Variants in ARHGAP26 observed in about 807,000 individuals in gnomAD.
ARHGAP26 encodes the protein Rho GTPase activating protein 26, also known as rho GTPase-activating protein 26.
A neutral mutation model predicts 104.8 loss-of-function variants in ARHGAP26; 38 were observed. The observed-to-expected ratio is 0.36, with a 90% CI of 0.28 to 0.48. The LOEUF (loss-of-function observed/expected upper bound fraction) is 0.48, where lower values mean the gene tolerates loss of function less well. Ranked by LOEUF, ARHGAP26 falls within the 20% of genes least tolerant of loss-of-function variation. ARHGAP26 has a pLI of 0.99. For synonymous variants in ARHGAP26, 341 were observed against 340.0 expected, an observed-to-expected ratio of 1.00 and a Z score of -0.03; for missense variants, 704 against 947.9, an observed-to-expected ratio of 0.74 and a Z score of 3.38.
chr5:142,985,758 T>C (rs1774619763), intron 11 of ARHGAP26, among the ~76,000 whole-genome samples: 2 of 150,988 alleles, frequency 1.3e-5, no homozygotes, highest in Admixed American at 6.6e-5. Flanking sequence ...CATGCAGTGT[T>C]TGGTTTTCTG....
intron 9 of ARHGAP26, among the ~76,000 whole-genome samples, chr5:142,912,317 A>G (rs1761938708): frequency 6.6e-6 from 1 of 152,274 alleles, no homozygotes; most frequent in African/African-American, 2.4e-5. Context: ...AAAAGAGCAC[A>G]TACTGTGTAG....
chr5:142,824,486 A>G (rs1478701633), intron 1 of ARHGAP26, among the ~76,000 whole-genome samples: 1 of 152,224 alleles, frequency 6.6e-6, no homozygotes, highest in Non-Finnish European at 1.5e-5. Flanking sequence ...CAGCAGCTGT[A>G]TAAGCTCCAG....
At chr5:142,810,274 G>A (rs776040907) in intron 1 of ARHGAP26, among the ~76,000 whole-genome samples, 2 of 152,184 alleles carry the variant, frequency 1.3e-5, no homozygotes, top group African/African-American at 2.4e-5. Context: ...AGAGACCTCA[G>A]TACAATTCTT....
intron 1 of ARHGAP26, among the ~76,000 whole-genome samples, chr5:142,866,339 T>C (rs1204239144): frequency 6.6e-6 from 1 of 152,220 alleles, no homozygotes; most frequent in Non-Finnish European, 1.5e-5. Flanking sequence ...TTTCTTACAT[T>C]ACCACTCATT....
chr5:142,995,854 C>T (rs978913379), intron 11 of ARHGAP26, among the ~76,000 whole-genome samples: 7 of 152,156 alleles, frequency 4.6e-5, no homozygotes, highest in African/African-American at 1.4e-4. Context: ...GCATTCATGT[C>T]CTTTGTAGGG....
intron 20 of ARHGAP26, among the ~76,000 whole-genome samples, chr5:143,153,339 C>G (rs1800068355): frequency 6.6e-6 from 1 of 152,170 alleles, no homozygotes; most frequent in Admixed American, 6.5e-5. Context: ...CCCACTACCA[C>G]CATCTTCCAC....
chr5:143,147,557 CAGAG>C (rs1471405886), intron 20 of ARHGAP26, 176 bp downstream of exon 20: 1 of 649,890 alleles, frequency 1.5e-6, no homozygotes, highest in African/African-American at 1.8e-5. Context: ...ATCATCATCT[CAGAG>C]GGAGTCGTTA....
intron 17 of ARHGAP26, among the ~76,000 whole-genome samples, chr5:143,096,971 G>T (rs1792416677): frequency 6.6e-6 from 1 of 152,202 alleles, no homozygotes; most frequent in South Asian, 2.1e-4. Flanking sequence ...TGGGCCGGGT[G>T]CGGTGGCTCA....
rs1809944522 is a variant in ARHGAP26 at position 143,214,098 on chromosome 5, T to C, written c.2191+10T>C. On this transcript the variant is annotated intron_variant, in intron 22 of 22. Transcript: ENST00000645722. ...ACGGTCTTCGATAACGGTGAGTTTCTCATCCCCTCACAAAGATATGGGCGG... is the reference window on the plus strand; with the variant it reads ...ACGGTCTTCGATAACGGTGAGTTTCCCATCCCCTCACAAAGATATGGGCGG... The C allele has an allele frequency of 3.5e-6, 3 of 855,390 alleles. No individual in the cohort carries two copies. Among genetic ancestry groups the C allele is most frequent in the Non-Finnish European group, 5.2e-6 (3 of 575,394 alleles). 53.0% of individuals were successfully genotyped at this position (855,390 alleles called of 1,614,324 possible). A position where few individuals can be genotyped will look rare whatever the true frequency, so the allele number is the denominator to read the frequency against.
intron 1 of ARHGAP26, among the ~76,000 whole-genome samples, chr5:142,832,033 T>A (rs559727358): frequency 6.6e-6 from 1 of 152,168 alleles, no homozygotes; most frequent in African/African-American, 2.4e-5. Flanking sequence ...CTCCCTGTTG[T>A]CTATTATGAA....
intron 13 of ARHGAP26, 102 bp downstream of exon 13, chr5:143,037,363 A>G: frequency 1.1e-6 from 1 of 914,650 alleles, no homozygotes; most frequent in Non-Finnish European, 1.6e-6. Flanking sequence ...GTGACTCATT[A>G]GCTCCCCAAG....
At chr5:143,212,663 T>C (rs1035615340) in intron 21 of ARHGAP26, among the ~76,000 whole-genome samples, 1 of 152,188 alleles carries the variant, frequency 6.6e-6, no homozygotes, top group South Asian at 2.1e-4. Flanking sequence ...AACAGTAAAC[T>C]ATGGCCCAGC....
chr5:142,855,328 T>C (rs763327255), intron 1 of ARHGAP26, among the ~76,000 whole-genome samples: 1 of 152,188 alleles, frequency 6.6e-6, no homozygotes, highest in Non-Finnish European at 1.5e-5. Context: ...TTTAGGGTTA[T>C]TGTTTTTTTC....
intron 1 of ARHGAP26, among the ~76,000 whole-genome samples, chr5:142,798,393 A>G (rs1423176441): frequency 6.6e-6 from 1 of 152,134 alleles, no homozygotes; most frequent in Non-Finnish European, 1.5e-5. Context: ...CTCAGCTCAA[A>G]TGCCACTGCC....
Position 142,950,643 on chromosome 5 carries a change from A to G in ARHGAP26, c.1107+18518A>G, listed in dbSNP as rs528139541. ...ACCCAATTTGAGTTATTGACCCAGA[A>G]AGTCAACCTCAAGGTCATAAGAAGT... On this transcript the variant is annotated intron_variant, in intron 11 of 22. Coordinates refer to ENST00000645722, the MANE Select transcript of ARHGAP26 (RefSeq NM_001135608.3). Among the ~76,000 whole-genome samples, 6 of 152,306 alleles carry G rather than the reference A, an allele frequency of 3.9e-5. No homozygotes were observed. The South Asian group carries it at 1.2e-3, about 32-fold the overall frequency.
chr5:142,862,700 C>A (rs114126903), intron 1 of ARHGAP26, among the ~76,000 whole-genome samples: 1,690 of 152,220 alleles, frequency 0.011, 40 homozygotes, highest in African/African-American at 0.039. Context: ...TCCTCATCTG[C>A]TTGACTTCTC....
chr5:143,087,636 C>CTTTTTTTTTTTTTTTTTTTTTTTTT lies in ARHGAP26; in HGVS notation c.1538+29891_1538+29915dup, dbSNP rs35201189. 7.8e-5 allele frequency among the ~76,000 whole-genome samples: 4 copies of CTTTTTTTTTTTTTTTTTTTTTTTTT among 51,566 alleles called. 1 individual carries two copies. The highest frequency in any genetic ancestry group is 3.1e-4 in the African/African-American group (4 of 12,782). 33.8% of individuals were successfully genotyped at this position (51,566 alleles called of 152,430 possible). A position where few individuals can be genotyped will look rare whatever the true frequency, so the allele number is the denominator to read the frequency against. On this transcript the variant is annotated intron_variant, in intron 17 of 22. Coordinates refer to ENST00000645722, the MANE Select transcript of ARHGAP26 (RefSeq NM_001135608.3). The stretch of plus-strand genomic sequence containing the variant: ...CTCATCTAATTAACCCTGGCCCATT[C>CTTTTTTTTTTTTTTTTTTTTTTTTT]TTTTTTTTTTTTTTTTTTTTTTTTT...
At chr5:143,037,521 G>A (rs953650910) in intron 13 of ARHGAP26, among the ~76,000 whole-genome samples, 2 of 152,066 alleles carry the variant, frequency 1.3e-5, no homozygotes, top group Admixed American at 6.6e-5. Context: ...ACTGAAATTC[G>A]ATTTTTAAAA....
intron 11 of ARHGAP26, among the ~76,000 whole-genome samples, chr5:142,990,486 C>T (rs980706122): frequency 6.6e-6 from 1 of 152,214 alleles, no homozygotes; most frequent in Non-Finnish European, 1.5e-5. Flanking sequence ...CTCCGTCTAG[C>T]TTTGTTCCAC....
Sources: allele counts gnomAD v4.1 joint callset (sites outside exome capture counted in the v4.1 genomes callset), GRCh38; gene constraint gnomAD v4.1.1; transcripts MANE v1.5; gene names NCBI Gene and HGNC (gene_info 2026-07-23, HGNC 2026-07-21).